The following MSH6 variants were observed in gnomAD, a reference collection of about 807,000 sequenced individuals.
The protein encoded by MSH6 is mutS homolog 6.
Under a neutral mutation model 119.1 loss-of-function variants are expected in MSH6, and 85 were observed. That is an observed-to-expected ratio of 0.71 (90% CI 0.60 to 0.85). The LOEUF (loss-of-function observed/expected upper bound fraction) is 0.85, where lower values mean the gene tolerates loss of function less well. MSH6 is among the 40% of genes least tolerant of loss of function. The probability of loss-of-function intolerance (pLI) is 0.00; values close to 1 mark genes in which losing one functional copy is unlikely to be tolerated. For missense variants in MSH6, 2,163 were observed against 1,655.3 expected (o/e 1.31, Z -5.32); for synonymous variants, 830 against 586.9 (o/e 1.41, Z -5.99).
intron 2 of MSH6, among the ~76,000 whole-genome samples, chr2:47,792,575 C>T (rs531345796): frequency 2.2e-3 from 331 of 152,254 alleles, no homozygotes; most frequent in Non-Finnish European, 3.6e-3. Flanking sequence ...GTCTCAAACT[C>T]CTGCCTGAGC....
At chr2:47,796,137 A>G in intron 3 of MSH6, 74 bp downstream of exon 3, 1 of 1,476,430 alleles carries the variant, frequency 6.8e-7, no homozygotes, top group Non-Finnish European at 9.5e-7. Context: ...GTGTATTAAC[A>G]AGATACCTTG....
At chr2:47,803,340 T>TATAA in intron 4 of MSH6, 80 bp from the exon 5 acceptor site, 2 of 1,566,640 alleles carry the variant, frequency 1.3e-6, no homozygotes, top group Non-Finnish European at 1.8e-6. Context: ...AAATGTGTTA[T>TATAA]ATAAAGAAGA....
chr2:47,786,707 C>G lies in MSH6; in HGVS notation c.260+3214C>G, dbSNP rs138031907. Among the ~76,000 whole-genome samples, 6 of 150,344 alleles carry G rather than the reference C, an allele frequency of 4.0e-5. No individual in the cohort carries two copies. The South Asian group carries it at 1.2e-3, about 31-fold the overall frequency. On this transcript the variant is annotated intron_variant, in intron 1 of 9. Coordinates refer to ENST00000234420, the MANE Select transcript of MSH6 (RefSeq NM_000179.3). ...TTTCTTCTTGTGCTGAAGTGTTTGT[C>G]TTTTGCTGTTTCTTTTTTTTTTCCT...
rs1411415960 is a variant in MSH6, at chr2:47,799,966, T to C, written c.1983T>C (p.Gly661=). ...TGATGTTACCCCAGGTGCTTAAAGG[T>C]ATGACTTCAGAGTCTGATTCCATTG... ...IGVMLPQVLK[G]MTSESDSIGL... The change falls in exon 4 of 10, where the codon GGT becomes GGC. Residue 661 remains glycine, a synonymous_variant. Coordinates refer to ENST00000234420, the MANE Select transcript of MSH6 (RefSeq NM_000179.3). The C allele has an allele frequency of 1.1e-5, 17 of 1,613,976 alleles. No homozygotes were observed. The highest frequency in any genetic ancestry group is 1.3e-5 in the African/African-American group (1 of 74,880).
rs1182444882 is a variant in MSH6, at chr2:47,791,002, C to T, written c.336C>T (p.Asn112=). 15 of 1,614,214 alleles carry T rather than the reference C, an allele frequency of 9.3e-6. No individual in the cohort carries two copies. Among genetic ancestry groups the T allele is most frequent in the Non-Finnish European group, 1.3e-5 (15 of 1,180,038 alleles). The change falls in exon 2 of 10, where the codon AAC becomes AAT. Residue 112 remains asparagine, a synonymous_variant. Transcript: ENST00000234420. ...CCTGGTGGCCTTGTCTGGTTTACAACCACCCCTTTGATGGAACATTCATCC... is the reference window on the plus strand; with the variant it reads ...CCTGGTGGCCTTGTCTGGTTTACAATCACCCCTTTGATGGAACATTCATCC... The part of the protein sequence containing the change: ...GYPWWPCLVY[N]HPFDGTFIRE...
At chr2:47,809,559 C>T, downstream of MSH6, 2 of 1,363,914 alleles carry the variant, frequency 1.5e-6, no homozygotes, top group East Asian at 2.3e-5. Context: ...TCTTTCATGG[C>T]ATATTGCATA....
chr2:47,806,653 T>TAACTA lies in MSH6; in HGVS notation c.4001+4_4001+8dup, dbSNP rs587782853. On this transcript the variant is annotated splice_region_variant and intron_variant, in intron 9 of 9. Transcript: ENST00000234420. ...GAATCAGTCACTACGATTATTTCGG[T>TAACTA]AACTAACTAACTATAATGGAATTAT... 5.1e-5 allele frequency: 82 copies of TAACTA among 1,600,866 alleles called. No homozygotes were observed. Among genetic ancestry groups the TAACTA allele is most frequent in the Non-Finnish European group, 6.7e-5 (78 of 1,172,804 alleles).
rs1045981031 is a variant in MSH6 at position 47,783,308 on chromosome 2, C to T, written c.75C>T (p.Ala25=). The T allele has an allele frequency of 6.2e-7, 1 of 1,611,982 alleles. No homozygotes were observed. The highest frequency in any genetic ancestry group is 8.5e-7 in the Non-Finnish European group (1 of 1,179,470). ...PALSDANKAS[A]RASREGGRAA... Reference sequence around the variant, plus strand: ...TGAGTGATGCCAACAAGGCCTCGGCCAGGGCCTCACGCGAAGGCGGCCGTG... The same window carrying T: ...TGAGTGATGCCAACAAGGCCTCGGCTAGGGCCTCACGCGAAGGCGGCCGTG... The change falls in exon 1 of 10, where the codon GCC becomes GCT. Residue 25 remains alanine (A), a synonymous_variant. Coordinates refer to ENST00000234420, the MANE Select transcript of MSH6 (RefSeq NM_000179.3).
chr2:47,806,277 A>C lies in MSH6; in HGVS notation c.3720A>C (p.Lys1240Asn), dbSNP rs786203260. ...AVVKELAETI[K>N]CRTLFSTHYH... ...TTAAAGAACTTGCTGAGACTATAAA[A>C]TGTCGTACATTATTTTCAACTCACT... Residue 1240 changes from lysine to asparagine, a missense_variant, in exon 8 of 10, where the codon AAA (lysine) becomes AAC (asparagine). By Grantham distance (94) the Lys-to-Asn change is moderately conservative. Transcript: ENST00000234420. 6.2e-7 allele frequency: 1 copy of C among 1,614,124 alleles called. No individual in the cohort carries two copies. The highest frequency in any genetic ancestry group is 8.5e-7 in the Non-Finnish European group (1 of 1,179,960).
chr2:47,792,814 G>A (rs919861546), intron 2 of MSH6, among the ~76,000 whole-genome samples: 7 of 146,210 alleles, frequency 4.8e-5, no homozygotes, highest in African/African-American at 1.5e-4. Flanking sequence ...GACTAGAGGT[G>A]TCTGCCACCA....
intron 2 of MSH6, 31 bp downstream of exon 2, chr2:47,791,154 T>TTGTGTGTG (rs397839804): frequency 4.6e-6 from 6 of 1,317,898 alleles, no homozygotes; most frequent in East Asian, 4.7e-5. Flanking sequence ...GTGTGTGTGT[T>TTGTGTGTG]TGTGTGTGTG....
chr2:47,788,674 A>C (rs1238577228), intron 1 of MSH6, among the ~76,000 whole-genome samples: 1 of 136,348 alleles, frequency 7.3e-6, no homozygotes, highest in African/African-American at 2.8e-5. Flanking sequence ...GGTTCAAGGG[A>C]GTCTCCTGCT....
In MSH6 at chr2:47,806,751, C is replaced by CTTCTT. The variant is rs1553333916; in HGVS notation, c.4002-26_4002-25insCTTTT. The CTTCTT allele has an allele frequency of 1.6e-5, 23 of 1,444,672 alleles. No individual in the cohort carries two copies. The African/African-American group carries it at 2.4e-4, about 15-fold the overall frequency. The allele number at this position is 1,444,672 out of a possible 1,614,324, so 89.5% of individuals were successfully genotyped here. On this transcript the variant is annotated intron_variant, in intron 9 of 9. Transcript: ENST00000234420. Reference sequence around the variant, plus strand: ...GATGCACTATGAAAAAACAAAAAAACTTTTTTTTTTTTTTTTTTAATTTTA... The same window carrying CTTCTT: ...GATGCACTATGAAAAAACAAAAAAACTTCTTTTTTTTTTTTTTTTTTTTAATTTTA...
downstream of MSH6, chr2:47,809,282 GAAT>G (rs756698768): frequency 3.4e-6 from 5 of 1,459,074 alleles, no homozygotes; most frequent in East Asian, 4.6e-5. Flanking sequence ...ATAAAAGAAA[GAAT>G]AAGTAAAAAT....
intron 3 of MSH6, 132 bp downstream of exon 3, chr2:47,796,195 A>G (rs1158137728): frequency 1.1e-5 from 10 of 924,714 alleles, no homozygotes; most frequent in Non-Finnish European, 1.7e-5. Context: ...ACATACATGC[A>G]TACTTCTGTA....
intron 2 of MSH6, among the ~76,000 whole-genome samples, chr2:47,794,241 T>C (rs1449802270): frequency 2.0e-5 from 3 of 151,830 alleles, no homozygotes; most frequent in Non-Finnish European, 4.4e-5. Context: ...CTCAGGAGGG[T>C]GAGGCAGAAT....
chr2:47,790,144 A>G (rs765061679), intron 1 of MSH6, among the ~76,000 whole-genome samples: 2 of 152,136 alleles, frequency 1.3e-5, no homozygotes. Context: ...TTATTTGGCC[A>G]GGCGCGGTGG....
rs587779912 is a variant in MSH6 at position 47,799,159 on chromosome 2, T to A, written c.1176T>A (p.Asp392Glu). ...GGAGGCCTGATCACCCCGATTTTGA[T>A]GCATCTACACTCTATGTGCCTGAGG... ...HRRRPDHPDF[D>E]ASTLYVPEDF... is the part of the protein sequence containing the mutation. The change falls in exon 4 of 10, where the codon GAT becomes GAA. Residue 392 changes from aspartate to glutamate, a missense_variant. Transcript: ENST00000234420. 1 of 1,613,498 alleles carries A rather than the reference T, an allele frequency of 6.2e-7. No individual in the cohort carries two copies. The highest frequency in any genetic ancestry group is 8.5e-7 in the Non-Finnish European group (1 of 1,179,836).
chr2:47,799,345 C>A lies in MSH6; in HGVS notation c.1362C>A (p.Gly454=), dbSNP rs1572722712. Residue 454 remains glycine (G), a synonymous_variant, in exon 4 of 10, where the codon GGC becomes GGA. Coordinates refer to ENST00000234420, the MANE Select transcript of MSH6 (RefSeq NM_000179.3). ...AACTGGGGCTGGTATTCATGAAAGG[C>A]AACTGGGCCCATTCTGGCTTTCCTG... The part of the protein sequence containing the change: ...VSELGLVFMK[G]NWAHSGFPEI... 1.2e-6 allele frequency: 2 copies of A among 1,613,856 alleles called. No individual in the cohort carries two copies. The highest frequency in any genetic ancestry group is 1.1e-5 in the South Asian group (1 of 91,084).
Sources: gnomAD v4.1 joint callset for allele counts (sites outside exome capture counted in the v4.1 genomes callset) on GRCh38, gnomAD v4.1.1 for gene constraint, MANE v1.5 for transcripts, NCBI Gene and HGNC (gene_info 2026-07-23, HGNC 2026-07-21) for gene names.